KDM4C: variants seen among roughly 807,000 people sequenced by gnomAD.
The protein encoded by KDM4C is lysine demethylase 4C, also known as lysine-specific demethylase 4C.
Under a neutral mutation model 129.3 loss-of-function variants are expected in KDM4C, and 81 were observed. That is an observed-to-expected ratio of 0.63 (90% CI 0.52 to 0.75). The LOEUF is 0.75. KDM4C is among the 30% of genes least tolerant of loss of function. The probability of loss-of-function intolerance (pLI) is 0.00; values close to 1 mark genes in which losing one functional copy is unlikely to be tolerated. For missense variants in KDM4C, 1,457 were observed against 1,304.0 expected, an observed-to-expected ratio of 1.12 and a Z score of -1.81; for synonymous variants, 573 against 456.1, an observed-to-expected ratio of 1.26 and a Z score of -3.26.
intron 2 of KDM4C, among the ~76,000 whole-genome samples, chr9:6,805,386 G>C (rs139418649): frequency 4.6e-5 from 7 of 151,594 alleles, no homozygotes; most frequent in Non-Finnish European, 7.4e-5. Flanking sequence ...TTTAATACAA[G>C]TACAGTGTTT....
chr9:6,722,796 AGC>A (rs1415127956), intron 1 of KDM4C, among the ~76,000 whole-genome samples: 1 of 151,994 alleles, frequency 6.6e-6, no homozygotes, highest in Non-Finnish European at 1.5e-5. Flanking sequence ...TACAGGTATG[AGC>A]CACCGCATCC....
At chr9:6,907,697 A>G (rs1818570280) in intron 8 of KDM4C, among the ~76,000 whole-genome samples, 1 of 152,242 alleles carries the variant, frequency 6.6e-6, no homozygotes, top group African/African-American at 2.4e-5. Context: ...AGTAAACAGC[A>G]CTAATACAAT....
chr9:6,836,797 C>T (rs565251865), intron 4 of KDM4C, among the ~76,000 whole-genome samples: 1 of 152,134 alleles, frequency 6.6e-6, no homozygotes, highest in East Asian at 1.9e-4. Context: ...ATTTTCTTTG[C>T]TGTATAATAT....
In KDM4C at chr9:7,058,275, C is replaced by G. The variant is rs17448914; in HGVS notation, c.2424+9075C>G. On this transcript the variant is annotated intron_variant, in intron 17 of 21. Coordinates refer to ENST00000381309, the MANE Select transcript of KDM4C (RefSeq NM_015061.6). The stretch of plus-strand genomic sequence containing the variant: ...AATGTGATCAGCATACTGTTTCCAA[C>G]CCTTTTCAGACATCCTAAGGCATTG... Among the ~76,000 whole-genome samples the G allele has an allele frequency of 4.8e-4, 4 of 8,286 alleles. No individual in the cohort carries two copies. In the East Asian group the frequency reaches 8.2e-3, roughly 17 times the overall value. 5.4% of individuals were successfully genotyped at this position (8,286 alleles called of 152,430 possible).
At chr9:6,834,764 C>G in intron 4 of KDM4C, 1 of 1,159,544 alleles carries the variant, frequency 8.6e-7, no homozygotes, top group East Asian at 2.3e-5. Context: ...GCATCCCATG[C>G]TGCTGACCGA....
chr9:6,903,622 T>C (rs959542628), intron 8 of KDM4C, among the ~76,000 whole-genome samples: 7 of 152,206 alleles, frequency 4.6e-5, no homozygotes, highest in African/African-American at 1.7e-4. Context: ...GAATTGTAAC[T>C]AAAATGTCCA....
intron 12 of KDM4C, among the ~76,000 whole-genome samples, chr9:7,000,588 C>A (rs1820553671): frequency 6.6e-6 from 1 of 152,146 alleles, no homozygotes; most frequent in African/African-American, 2.4e-5. Context: ...AGCACAGTTT[C>A]ATGGTGCATT....
At chr9:6,935,306 T>C (rs1824562625) in intron 8 of KDM4C, among the ~76,000 whole-genome samples, 1 of 152,044 alleles carries the variant, frequency 6.6e-6, no homozygotes, top group Non-Finnish European at 1.5e-5. Context: ...CATATTATTT[T>C]TAATCCCTAC....
chr9:6,928,141 C>G (rs1414850491), intron 8 of KDM4C, among the ~76,000 whole-genome samples: 1 of 152,162 alleles, frequency 6.6e-6, no homozygotes, highest in African/African-American at 2.4e-5. Flanking sequence ...GGAGTCAGTT[C>G]TTCATCCTCA....
intron 1 of KDM4C, among the ~76,000 whole-genome samples, chr9:6,739,633 ATT>A (rs34006315): frequency 7.1e-4 from 99 of 138,930 alleles, no homozygotes; most frequent in South Asian, 4.1e-3. Context: ...TGCAGGGTAG[ATT>A]TTTTTTTTTT....
At chr9:6,939,343 C>T (rs1041764385) in intron 8 of KDM4C, among the ~76,000 whole-genome samples, 1 of 152,012 alleles carries the variant, frequency 6.6e-6, no homozygotes, top group African/African-American at 2.4e-5. Context: ...GTCTCCCATC[C>T]CCCCGTGAGG....
chr9:6,896,452 T>C (rs1245386593), intron 8 of KDM4C, among the ~76,000 whole-genome samples: 1 of 151,412 alleles, frequency 6.6e-6, no homozygotes, highest in Non-Finnish European at 1.5e-5. Flanking sequence ...TGTGCATATA[T>C]GTAATCACAA....
intron 17 of KDM4C, among the ~76,000 whole-genome samples, chr9:7,057,668 CTG>C (rs1435423299): frequency 1.3e-5 from 2 of 152,156 alleles, no homozygotes; most frequent in Non-Finnish European, 2.9e-5. Context: ...AAGAACATAA[CTG>C]TATTTTAAAC....
At chr9:7,137,220 G>T (rs1374551189) in intron 19 of KDM4C, among the ~76,000 whole-genome samples, 2 of 152,184 alleles carry the variant, frequency 1.3e-5, no homozygotes, top group African/African-American at 4.8e-5. Flanking sequence ...GAGCAGAACT[G>T]TTGGGAAATG....
At chr9:7,017,379 C>G (rs1462464731) in intron 15 of KDM4C, among the ~76,000 whole-genome samples, 1 of 152,152 alleles carries the variant, frequency 6.6e-6, no homozygotes, top group Non-Finnish European at 1.5e-5. Context: ...AAATGATCCC[C>G]TATTTAGAGA....
At chr9:6,880,796 T>TCCTCC (rs1844328046) in intron 6 of KDM4C, among the ~76,000 whole-genome samples, 1 of 152,276 alleles carries the variant, frequency 6.6e-6, no homozygotes, top group East Asian at 1.9e-4. Flanking sequence ...CCTTCCTCCT[T>TCCTCC]TTTTTTAAAG....
At chr9:7,095,444 G>A (rs1037973730) in intron 17 of KDM4C, among the ~76,000 whole-genome samples, 6 of 151,846 alleles carry the variant, frequency 4.0e-5, no homozygotes, top group Admixed American at 1.3e-4. Context: ...AAAATGAATA[G>A]AAAATGTGTA....
chr9:6,944,843 G>A, intron 8 of KDM4C, among the ~76,000 whole-genome samples: 1 of 151,870 alleles, frequency 6.6e-6, no homozygotes, highest in Non-Finnish European at 1.5e-5. Flanking sequence ...GTATGATCTG[G>A]TATCTTCATT....
At chr9:7,166,303 G>GT (rs1274813914) in intron 20 of KDM4C, among the ~76,000 whole-genome samples, 4 of 152,188 alleles carry the variant, frequency 2.6e-5, no homozygotes, top group Non-Finnish European at 5.9e-5. Flanking sequence ...AGAGTGCATT[G>GT]TAAGATACTG....
Sources: gnomAD v4.1 joint callset for allele counts (sites outside exome capture counted in the v4.1 genomes callset) on GRCh38, gnomAD v4.1.1 for gene constraint, MANE v1.5 for transcripts, NCBI Gene and HGNC (gene_info 2026-07-23, HGNC 2026-07-21) for gene names.